RPRD1A: variants seen among roughly 807,000 people sequenced by gnomAD.
The protein encoded by RPRD1A is regulation of nuclear pre-mRNA domain containing 1A, also known as regulation of nuclear pre-mRNA domain-containing protein 1A.
A neutral mutation model predicts 37.8 loss-of-function variants in RPRD1A; 9 were observed. That is an observed-to-expected ratio of 0.24 (90% confidence interval 0.14 to 0.42). The LOEUF is 0.42. Among genes scored for constraint, RPRD1A ranks in the 10% least tolerant of loss-of-function variants. The pLI is 1.00. For synonymous variants in RPRD1A, 138 were observed against 139.7 expected, an observed-to-expected ratio of 0.99 and a Z score of 0.08; for missense variants, 255 against 371.0, an observed-to-expected ratio of 0.69 and a Z score of 2.57.
At chr18:36,051,671 T>C (rs997580099) in intron 1 of RPRD1A, among the ~76,000 whole-genome samples, 1 of 152,140 alleles carries the variant, frequency 6.6e-6, no homozygotes, top group Non-Finnish European at 1.5e-5. Context: ...CCTCCAATAA[T>C]AAGAAATTCA....
intron 6 of RPRD1A, among the ~76,000 whole-genome samples, chr18:35,997,617 C>A (rs779972086): frequency 1.3e-5 from 2 of 152,188 alleles, no homozygotes; most frequent in Non-Finnish European, 2.9e-5. Context: ...TATTCTACTA[C>A]AAATAAGATC....
intron 2 of RPRD1A, among the ~76,000 whole-genome samples, chr18:36,031,521 C>T (rs2144294553): frequency 6.6e-6 from 1 of 152,152 alleles, no homozygotes; most frequent in Admixed American, 6.5e-5. Context: ...TTATAAGTAT[C>T]ACAAAAGAGA....
At chr18:36,047,138 T>A (rs981117442) in intron 1 of RPRD1A, among the ~76,000 whole-genome samples, 45 of 151,822 alleles carry the variant, frequency 3.0e-4, no homozygotes, top group African/African-American at 1.1e-3. Flanking sequence ...AGCCCAGAGG[T>A]TGGAGGTTAC....
chr18:36,038,301 G>T (rs1306844127), intron 1 of RPRD1A, among the ~76,000 whole-genome samples: 1 of 152,200 alleles, frequency 6.6e-6, no homozygotes, highest in Non-Finnish European at 1.5e-5. Context: ...TCAGGATTTG[G>T]TGCCCTACCT....
chr18:36,058,231 C>T (rs1364807564), intron 1 of RPRD1A, among the ~76,000 whole-genome samples: 1 of 152,042 alleles, frequency 6.6e-6, no homozygotes, highest in Non-Finnish European at 1.5e-5. Flanking sequence ...TTAGTAGAGA[C>T]AGGGTTTTGC....
At chr18:36,019,867 C>G (rs1252929972) in intron 6 of RPRD1A, among the ~76,000 whole-genome samples, 1 of 152,154 alleles carries the variant, frequency 6.6e-6, no homozygotes, top group African/African-American at 2.4e-5. Flanking sequence ...TGGCAAAACC[C>G]TGTCTCTACT....
In RPRD1A at chr18:36,016,231, C is replaced by CT. The variant is rs201039337; in HGVS notation, c.789+10668dup. Reference sequence around the variant, plus strand: ...TTACAAAGAATATCTTTTCTTTTTTCTTTTTTTTGAGGCAGAGTTTCACTC... The same window carrying CT: ...TTACAAAGAATATCTTTTCTTTTTTCTTTTTTTTTGAGGCAGAGTTTCACTC... On this transcript the variant is annotated intron_variant, in intron 6 of 6. Coordinates refer to ENST00000399022, the MANE Select transcript of RPRD1A (RefSeq NM_018170.5). Among the ~76,000 whole-genome samples the CT allele has an allele frequency of 5.2e-3, 790 of 151,872 alleles. 31 individuals are homozygous for CT. The highest frequency in any genetic ancestry group is 0.047 in the Admixed American group (718 of 15,264).
chr18:36,000,105 G>C (rs1399160787), intron 6 of RPRD1A, among the ~76,000 whole-genome samples: 1 of 152,040 alleles, frequency 6.6e-6, no homozygotes, highest in Non-Finnish European at 1.5e-5. Flanking sequence ...GGGCGTTTCT[G>C]AGACTGCAGA....
intron 6 of RPRD1A, among the ~76,000 whole-genome samples, chr18:36,020,928 A>G (rs2144247000): frequency 6.6e-6 from 1 of 152,356 alleles, no homozygotes; most frequent in South Asian, 2.1e-4. Context: ...CATGAAAAAG[A>G]AAGGACAGAA....
chr18:36,033,926 T>G, intron 1 of RPRD1A, 89 bp from the exon 2 acceptor site: 1 of 1,095,554 alleles, frequency 9.1e-7, no homozygotes, highest in Non-Finnish European at 1.3e-6. Flanking sequence ...TTTTGAGAAC[T>G]AAAATAACCC....
intron 1 of RPRD1A, among the ~76,000 whole-genome samples, chr18:36,047,468 T>C (rs1368090530): frequency 6.6e-6 from 1 of 151,454 alleles, no homozygotes; most frequent in Non-Finnish European, 1.5e-5. Flanking sequence ...AGGAATGAAA[T>C]AATAAAGGTT....
intron 1 of RPRD1A, chr18:36,040,760 T>C (rs1912523113): frequency 1.7e-6 from 2 of 1,186,854 alleles, no homozygotes. Flanking sequence ...CTAAGCTTTT[T>C]AGGCAAGTGG....
At chr18:36,065,457 TTTTTG>T (rs1420498917) in intron 1 of RPRD1A, among the ~76,000 whole-genome samples, 1 of 152,164 alleles carries the variant, frequency 6.6e-6, no homozygotes, top group Non-Finnish European at 1.5e-5. Flanking sequence ...TGGAATGGTT[TTTTTG>T]TTTTCTTATT....
chr18:36,004,088 C>T (rs1909591524), intron 6 of RPRD1A, among the ~76,000 whole-genome samples: 3 of 149,846 alleles, frequency 2.0e-5, no homozygotes, highest in African/African-American at 7.4e-5. Flanking sequence ...AAGTGATCCA[C>T]CCAAAGTGCT....
chr18:36,001,900 GAT>G (rs1485809593), intron 6 of RPRD1A, among the ~76,000 whole-genome samples: 4 of 152,116 alleles, frequency 2.6e-5, no homozygotes, highest in Non-Finnish European at 5.9e-5. Flanking sequence ...AATTTCATTG[GAT>G]ATATAATTCT....
rs1479644660 is a variant in RPRD1A, at chr18:35,991,242, A to C, written c.*1909T>G. 1.3e-5 allele frequency: 2 copies of C among 152,238 alleles called. No individual in the cohort carries two copies. Among genetic ancestry groups the C allele is most frequent in the African/African-American group, 4.8e-5 (2 of 41,454 alleles). The allele number at this position is 152,238 out of a possible 1,614,324, so 9.4% of individuals were successfully genotyped here. On this transcript the variant is annotated 3_prime_UTR_variant, in exon 7 of 7. Coordinates refer to ENST00000399022, the MANE Select transcript of RPRD1A (RefSeq NM_018170.5). ...GTCAAGATATTGAAAATAAGTTAAC[A>C]TACAAGTTTTTGCTTTCACATTAAT... is the stretch of plus-strand genomic sequence containing the variant.
chr18:36,020,298 CAA>C (rs747042444), intron 6 of RPRD1A, among the ~76,000 whole-genome samples: 4 of 152,114 alleles, frequency 2.6e-5, no homozygotes, highest in Non-Finnish European at 4.4e-5. Flanking sequence ...AGAAGCTCAG[CAA>C]AAGAGTGTGC....
chr18:36,064,984 G>A (rs1221642898), intron 1 of RPRD1A, among the ~76,000 whole-genome samples: 1 of 151,550 alleles, frequency 6.6e-6, no homozygotes, highest in African/African-American at 2.4e-5. Flanking sequence ...AACACTCACA[G>A]TGAAGGTCTG....
intron 1 of RPRD1A, among the ~76,000 whole-genome samples, chr18:36,061,501 A>T (rs1444310101): frequency 6.6e-6 from 1 of 152,214 alleles, no homozygotes; most frequent in African/African-American, 2.4e-5. Context: ...GCTCTTATAG[A>T]GATCTTTCAG....
Sources: gnomAD v4.1 joint callset for allele counts (sites outside exome capture counted in the v4.1 genomes callset) on GRCh38, gnomAD v4.1.1 for gene constraint, MANE v1.5 for transcripts, NCBI Gene and HGNC (gene_info 2026-07-23, HGNC 2026-07-21) for gene names.